RBFOX1: variants seen among roughly 807,000 people sequenced by gnomAD.
RBFOX1 encodes RNA binding fox-1 homolog 1.
RBFOX1 carries 8 observed loss-of-function variants against 57.7 expected under a neutral mutation model. The observed-to-expected ratio is 0.14, with a 90% CI of 0.08 to 0.25. The LOEUF (loss-of-function observed/expected upper bound fraction) is 0.25. RBFOX1 is among the 10% of genes least tolerant of loss of function. RBFOX1 has a pLI of 1.00. For missense variants in RBFOX1, 611 were observed against 548.5 expected (o/e 1.11, Z -1.14); for synonymous variants, 326 against 222.4 (o/e 1.47, Z -4.15).
At chr16:6,829,170 GA>G in intron 3 of RBFOX1, among the ~76,000 whole-genome samples, 1 of 149,280 alleles carries the variant, frequency 6.7e-6, no homozygotes, top group South Asian at 2.1e-4. Context: ...GAAGTTTCAA[GA>G]AACCAAAGAA....
intron 3 of RBFOX1, among the ~76,000 whole-genome samples, chr16:6,805,717 C>G (rs1283888328): frequency 2.6e-5 from 4 of 152,092 alleles, no homozygotes; most frequent in African/African-American, 7.2e-5. Flanking sequence ...TTCTGCATGC[C>G]TCACAATGTA....
chr16:7,390,405 A>C (rs1029845786), intron 4 of RBFOX1, among the ~76,000 whole-genome samples: 2 of 152,220 alleles, frequency 1.3e-5, no homozygotes, highest in African/African-American at 4.8e-5. Flanking sequence ...AGATTTCGAT[A>C]CTTGGAGTCA....
At chr16:7,185,617 A>T (rs2083567757) in intron 4 of RBFOX1, among the ~76,000 whole-genome samples, 1 of 152,186 alleles carries the variant, frequency 6.6e-6, no homozygotes, top group South Asian at 2.1e-4. Flanking sequence ...AAACATCTGG[A>T]CTAATATTTG....
intron 7 of RBFOX1, among the ~76,000 whole-genome samples, chr16:7,594,197 AT>A (rs983403371): frequency 6.6e-6 from 1 of 151,772 alleles, no homozygotes; most frequent in Non-Finnish European, 1.5e-5. Flanking sequence ...TTAGCCTTAA[AT>A]TTGGAGGTGA....
intron 14 of RBFOX1, among the ~76,000 whole-genome samples, chr16:7,707,800 C>T (rs1284207426): frequency 6.6e-6 from 1 of 152,196 alleles, no homozygotes; most frequent in Non-Finnish European, 1.5e-5. Flanking sequence ...CGCAGATATT[C>T]ATCTCAGACG....
At chr16:7,372,526 ATT>A (rs1555795343) in intron 4 of RBFOX1, among the ~76,000 whole-genome samples, 1 of 152,142 alleles carries the variant, frequency 6.6e-6, no homozygotes, top group Non-Finnish European at 1.5e-5. Context: ...GCCAACCCTG[ATT>A]GATTAGTAGT....
chr16:6,169,382 A>C (rs188499166), intron 1 of RBFOX1, among the ~76,000 whole-genome samples: 93 of 152,262 alleles, frequency 6.1e-4, no homozygotes, highest in African/African-American at 2.1e-3. Context: ...ATTCTTATAC[A>C]TGGAAGAGTT....
At chr16:5,762,157 T>G (rs1251360951) in intron 3 of RBFOX1, among the ~76,000 whole-genome samples, 2 of 152,182 alleles carry the variant, frequency 1.3e-5, no homozygotes, top group African/African-American at 2.4e-5. Context: ...TAATTATTAA[T>G]TTTCTCCATT....
At chr16:6,682,024 C>T (rs983801674) in intron 3 of RBFOX1, among the ~76,000 whole-genome samples, 1 of 152,190 alleles carries the variant, frequency 6.6e-6, no homozygotes, top group African/African-American at 2.4e-5. Context: ...CACCCTTACT[C>T]CTGACTGAGA....
chr16:7,631,937 T>G (rs2061032747), intron 11 of RBFOX1, among the ~76,000 whole-genome samples: 1 of 152,124 alleles, frequency 6.6e-6, no homozygotes, highest in Non-Finnish European at 1.5e-5. Context: ...TGAGACAAAG[T>G]CTCACTCTGT....
At chr16:6,988,746 TGTTTGTTTTTTGTTTTTTG>T (rs2090864827) in intron 3 of RBFOX1, among the ~76,000 whole-genome samples, 1 of 36,182 alleles carries the variant, frequency 2.8e-5, no homozygotes, top group African/African-American at 6.5e-5. Context: ...TTTTTTTGTT[TGTTTGTTTTTTGTTTTTTG>T]TTTTTTGTTT....
chr16:7,413,037 G>A (rs904420075), intron 4 of RBFOX1, among the ~76,000 whole-genome samples: 1 of 151,522 alleles, frequency 6.6e-6, no homozygotes, highest in South Asian at 2.1e-4. Context: ...GCGAGACTCC[G>A]TCTCAAAACA....
At chr16:6,805,780 C>A (rs1014666059) in intron 3 of RBFOX1, among the ~76,000 whole-genome samples, 2 of 152,170 alleles carry the variant, frequency 1.3e-5, no homozygotes, top group Non-Finnish European at 2.9e-5. Flanking sequence ...AGTGTAACAC[C>A]CAAGCCATGT....
At chr16:5,698,801 A>G (rs766138042) in intron 3 of RBFOX1, among the ~76,000 whole-genome samples, 12 of 152,324 alleles carry the variant, frequency 7.9e-5, no homozygotes, top group Middle Eastern at 3.4e-3. Flanking sequence ...AGGCTACACC[A>G]TGAATGAACC....
At chr16:7,078,083 T>G (rs1310520130) in intron 4 of RBFOX1, among the ~76,000 whole-genome samples, 3 of 152,198 alleles carry the variant, frequency 2.0e-5, no homozygotes, top group African/African-American at 7.2e-5. Flanking sequence ...CTCTACCACT[T>G]GCTCCTCCTC....
rs550476993 is a variant in RBFOX1 at position 6,368,878 on chromosome 16, T to C, written c.-64+51821T>C. On this transcript the variant is annotated intron_variant, in intron 2 of 15. Transcript: ENST00000550418. ...TGTCATCAAAATGAGAAAGTAAAGA[T>C]GGATTGTGGTAAAGTAACGCAGTGG... Among the ~76,000 whole-genome samples, 125 of 152,222 alleles carry C rather than the reference T, an allele frequency of 8.2e-4. 1 individual carries two copies. Among genetic ancestry groups the C allele is most frequent in the Non-Finnish European group, 1.5e-3 (103 of 68,008 alleles).
At chr16:5,931,038 C>T (rs1407035175) in intron 4 of RBFOX1, among the ~76,000 whole-genome samples, 3 of 151,946 alleles carry the variant, frequency 2.0e-5, no homozygotes, top group African/African-American at 7.3e-5. Context: ...GAGAAGTAAA[C>T]TTATTTGTCC....
chr16:7,212,554 A>C (rs1163903216), intron 4 of RBFOX1, among the ~76,000 whole-genome samples: 2 of 152,260 alleles, frequency 1.3e-5, no homozygotes, highest in African/African-American at 4.8e-5. Context: ...CTGGGCACGA[A>C]CATTTTTCCA....
chr16:5,392,316 A>G (rs1466735981), intron 1 of RBFOX1, among the ~76,000 whole-genome samples: 1 of 152,162 alleles, frequency 6.6e-6, no homozygotes, highest in Non-Finnish European at 1.5e-5. Flanking sequence ...AAATAAGGGC[A>G]TAGTCACATC....
Sources: allele counts gnomAD v4.1 joint callset (sites outside exome capture counted in the v4.1 genomes callset), GRCh38; gene constraint gnomAD v4.1.1; transcripts MANE v1.5; gene names NCBI Gene and HGNC (gene_info 2026-07-23, HGNC 2026-07-21).